ARB2A: variants seen among roughly 807,000 people sequenced by gnomAD.
ARB2A encodes the protein ARB2 cotranscriptional regulator A.
the ARB2A span, among the ~76,000 whole-genome samples, chr5:93,855,327 C>A: frequency 9.2e-5 from 14 of 152,112 alleles, no homozygotes; most frequent in Non-Finnish European, 2.1e-4. Context: ...CTTCCTCCAT[C>A]CTTTTATTTT....
the ARB2A span, among the ~76,000 whole-genome samples, chr5:93,886,672 T>C: frequency 6.6e-6 from 1 of 151,666 alleles, no homozygotes; most frequent in African/African-American, 2.4e-5. Context: ...AAAGTAAACA[T>C]AGCTGTTGGA....
At chr5:93,944,790 A>G in the ARB2A span, among the ~76,000 whole-genome samples, 1 of 152,192 alleles carries the variant, frequency 6.6e-6, no homozygotes. Context: ...TGGAGGATAC[A>G]GATGTCACCT....
At chr5:93,795,257 C>T in the ARB2A span, among the ~76,000 whole-genome samples, 3 of 152,172 alleles carry the variant, frequency 2.0e-5, no homozygotes, top group African/African-American at 7.2e-5. Flanking sequence ...ACAGGCCTCA[C>T]CCCGCTCCCA....
the ARB2A span, among the ~76,000 whole-genome samples, chr5:93,991,544 A>G: frequency 2.9e-3 from 447 of 152,166 alleles, 2 homozygotes; most frequent in African/African-American, 0.011. Context: ...TCAATCACAT[A>G]GAGGAAAATA....
chr5:93,761,398 C>T, the ARB2A span, among the ~76,000 whole-genome samples: 7 of 152,182 alleles, frequency 4.6e-5, no homozygotes, highest in African/African-American at 1.7e-4. Flanking sequence ...AATAGCACAC[C>T]AGGAGATTAT....
At chr5:94,089,628 C>CAT in the ARB2A span, among the ~76,000 whole-genome samples, 1 of 151,676 alleles carries the variant, frequency 6.6e-6, no homozygotes, top group South Asian at 2.1e-4. Flanking sequence ...CACACACACA[C>CAT]ACACACACAC....
the ARB2A span, among the ~76,000 whole-genome samples, chr5:93,840,095 TA>T: frequency 1.3e-5 from 2 of 152,162 alleles, no homozygotes; most frequent in African/African-American, 4.8e-5. Flanking sequence ...TCCTTGAGGT[TA>T]GGTTAATTTG....
chr5:93,733,965 A>G, the ARB2A span: 1 of 152,220 alleles, frequency 6.6e-6, no homozygotes, highest in African/African-American at 2.4e-5. Context: ...GGCTATTCTG[A>G]AAAACAAATC....
the ARB2A span, chr5:93,861,618 T>C: frequency 6.6e-6 from 1 of 152,050 alleles, no homozygotes; most frequent in African/African-American, 2.4e-5. Context: ...CTTTAACGTC[T>C]CTGAAAAAAA....
At chr5:94,111,499 C>G in the ARB2A span, 1 of 152,472 alleles carries the variant, frequency 6.6e-6, no homozygotes, top group Non-Finnish European at 1.5e-5. Flanking sequence ...TCCCCGCAAA[C>G]GGCAGTCCTA....
the ARB2A span, among the ~76,000 whole-genome samples, chr5:93,721,327 A>G: frequency 6.6e-6 from 1 of 152,204 alleles, no homozygotes; most frequent in African/African-American, 2.4e-5. Context: ...GTAAGATAGT[A>G]TGGAAGGGGC....
the ARB2A span, among the ~76,000 whole-genome samples, chr5:93,690,111 C>T: frequency 6.6e-6 from 1 of 152,152 alleles, no homozygotes; most frequent in Admixed American, 6.5e-5. Flanking sequence ...AAGTTCCAAG[C>T]ACAAAACTGG....
chr5:93,856,910 G>GT, the ARB2A span, among the ~76,000 whole-genome samples: 1 of 151,814 alleles, frequency 6.6e-6, no homozygotes, highest in Non-Finnish European at 1.5e-5. Context: ...CATCTTTGTG[G>GT]TTTTATCTAC....
At chr5:93,951,916 A>G in the ARB2A span, among the ~76,000 whole-genome samples, 1 of 152,244 alleles carries the variant, frequency 6.6e-6, no homozygotes, top group Non-Finnish European at 1.5e-5. Flanking sequence ...GATAACTTAC[A>G]ACACAGTGGT....
At chr5:94,050,151 G>C in the ARB2A span, among the ~76,000 whole-genome samples, 1 of 151,746 alleles carries the variant, frequency 6.6e-6, no homozygotes, top group East Asian at 1.9e-4. Context: ...TATTGTCCAG[G>C]CTAGTCTCAA....
the ARB2A span, among the ~76,000 whole-genome samples, chr5:94,102,852 G>A: frequency 2.0e-5 from 3 of 151,986 alleles, no homozygotes; most frequent in Non-Finnish European, 4.4e-5. Context: ...GAAAAGACTG[G>A]GGACCTTTAT....
the ARB2A span, among the ~76,000 whole-genome samples, chr5:93,762,371 T>A: frequency 6.6e-6 from 1 of 152,182 alleles, no homozygotes. Context: ...CTGATGGAGC[T>A]GAAAACCAAG....
the ARB2A span, among the ~76,000 whole-genome samples, chr5:93,891,546 A>G: frequency 3.3e-5 from 5 of 152,130 alleles, no homozygotes; most frequent in African/African-American, 1.2e-4. Flanking sequence ...CTTGATTGAA[A>G]TAAGCAAAAA....
At chr5:93,744,613 C>T in the ARB2A span, among the ~76,000 whole-genome samples, 7 of 152,008 alleles carry the variant, frequency 4.6e-5, no homozygotes, top group Non-Finnish European at 8.8e-5. Context: ...AGCCCATATT[C>T]TTAAGGGAAG....
Sources: gnomAD v4.1 joint callset for allele counts (sites outside exome capture counted in the v4.1 genomes callset) on GRCh38, gnomAD v4.1.1 for gene constraint, MANE v1.5 for transcripts, NCBI Gene and HGNC (gene_info 2026-07-23, HGNC 2026-07-21) for gene names.